IL17RA: variants seen among roughly 807,000 people sequenced by gnomAD.
The protein encoded by IL17RA is interleukin 17 receptor A.
A neutral mutation model predicts 50.4 loss-of-function variants in IL17RA; 34 were observed. The observed-to-expected ratio is 0.67, with a 90% CI of 0.51 to 0.90. The LOEUF (loss-of-function observed/expected upper bound fraction) is 0.90. IL17RA is among the 40% of genes least tolerant of loss of function. The probability of loss-of-function intolerance (pLI) is 0.00; values close to 1 mark genes in which losing one functional copy is unlikely to be tolerated. For missense variants in IL17RA, 1,276 were observed against 1,169.8 expected (o/e 1.09, Z -1.32); for synonymous variants, 585 against 510.4 (o/e 1.15, Z -1.97).
chr22:17,097,076 G>T lies in IL17RA; in HGVS notation c.153G>T (p.Thr51=), dbSNP rs767860569. Residue 51 remains threonine (T), a synonymous_variant, in exon 2 of 13, where the codon ACG becomes ACT. Transcript: ENST00000319363. ...LVCSQPGLNC[T]VKNSTCLDDS... The stretch of plus-strand genomic sequence containing the variant: ...TTTTTCCACAGGGGCTAAACTGCAC[G>T]GTCAAGAATAGTAAGTCATCTTTTT... The T allele has an allele frequency of 6.2e-7, 1 of 1,613,654 alleles. No homozygotes were observed. Among genetic ancestry groups the T allele is most frequent in the Non-Finnish European group, 8.5e-7 (1 of 1,179,648 alleles).
intron 11 of IL17RA, 52 bp downstream of exon 11, chr22:17,106,006 AC>A: frequency 7.5e-7 from 1 of 1,330,562 alleles, no homozygotes; most frequent in Non-Finnish European, 1.1e-6. Flanking sequence ...TACCAGCACC[AC>A]CACTCACTAC....
At chr22:17,100,530 A>G in intron 5 of IL17RA, 49 bp downstream of exon 5, 2 of 1,607,664 alleles carry the variant, frequency 1.2e-6, no homozygotes, top group African/African-American at 1.3e-5. Context: ...CTCTGTGAGA[A>G]GGAAGCACCA....
intron 11 of IL17RA, 53 bp downstream of exon 11, chr22:17,106,007 C>T: frequency 7.5e-7 from 1 of 1,327,514 alleles, no homozygotes; most frequent in Non-Finnish European, 1.1e-6. Context: ...ACCAGCACCA[C>T]CACTCACTAC....
intron 1 of IL17RA, among the ~76,000 whole-genome samples, chr22:17,094,716 T>TATATTC (rs1178787318): frequency 1.5e-4 from 18 of 118,536 alleles, no homozygotes; most frequent in African/African-American, 6.1e-4. Flanking sequence ...TATATATATA[T>TATATTC]ATTCAGGGAG....
At chr22:17,087,028 A>T (rs890140801) in intron 1 of IL17RA, among the ~76,000 whole-genome samples, 12 of 152,234 alleles carry the variant, frequency 7.9e-5, no homozygotes, top group Non-Finnish European at 1.3e-4. Context: ...CTTGCTGTTC[A>T]TATTTGTCTG....
chr22:17,106,258 G>A (rs561460520), intron 11 of IL17RA, among the ~76,000 whole-genome samples: 1 of 152,308 alleles, frequency 6.6e-6, no homozygotes, highest in Admixed American at 6.5e-5. Context: ...TGATCATCCA[G>A]GCAGGTGGAG....
Position 17,109,398 on chromosome 22 carries a change from C to T in IL17RA, c.2179C>T (p.Pro727Ser), listed in dbSNP as rs780129444. ...LFLPVDPEDS[P>S]LGSSTPMASP... ...CCTCCCCGTGGACCCCGAGGACTCG[C>T]CCCTTGGCAGCAGCACCCCCATGGC... The change falls in exon 13 of 13, where the codon CCC becomes TCC. Residue 727 changes from proline to serine, a missense_variant. Transcript: ENST00000319363. 1 of 1,613,030 alleles carries T rather than the reference C, an allele frequency of 6.2e-7. No homozygotes were observed. The highest frequency in any genetic ancestry group is 8.5e-7 in the Non-Finnish European group (1 of 1,179,928).
chr22:17,108,567 G>A lies in IL17RA; in HGVS notation c.1348G>A (p.Gly450Ser), dbSNP rs1256999040. The A allele has an allele frequency of 1.2e-6, 2 of 1,606,972 alleles. No individual in the cohort carries two copies. The highest frequency in any genetic ancestry group is 1.7e-5 in the Admixed American group (1 of 60,024). The change falls in exon 13 of 13, where the codon GGC (glycine) becomes AGC (serine). Residue 450 changes from glycine to serine, a missense_variant. By Grantham distance (56) the Gly-to-Ser change is moderately conservative. Coordinates refer to ENST00000319363, the MANE Select transcript of IL17RA (RefSeq NM_014339.7). ...TAAGATCATCGTCCTGTGCTCCCGCGGCACGCGCGCCAAGTGGCAGGCGCT... is the reference window on the plus strand; with the variant it reads ...TAAGATCATCGTCCTGTGCTCCCGCAGCACGCGCGCCAAGTGGCAGGCGCT... ...NSKIIVLCSR[G>S]TRAKWQALLG...
chr22:17,109,579 G>A lies in IL17RA; in HGVS notation c.2360G>A (p.Arg787Gln), dbSNP rs972851244. 5.6e-6 allele frequency: 9 copies of A among 1,600,854 alleles called. No homozygotes were observed. Among genetic ancestry groups the A allele is most frequent in the East Asian group, 2.3e-5 (1 of 44,378 alleles). ...CACACGCCCTACGAGGAGGAGCAGCGGCAGTCAGTGCAGTCTGACCAGGGC... is the reference window on the plus strand; with the variant it reads ...CACACGCCCTACGAGGAGGAGCAGCAGCAGTCAGTGCAGTCTGACCAGGGC... ...DPHTPYEEEQ[R>Q]QSVQSDQGYI... is the part of the protein sequence containing the mutation. Residue 787 changes from arginine to glutamine, a missense_variant, in exon 13 of 13, where the codon CGG becomes CAG. Coordinates refer to ENST00000319363, the MANE Select transcript of IL17RA (RefSeq NM_014339.7).
At chr22:17,085,591 A>G (rs909004789) in intron 1 of IL17RA, among the ~76,000 whole-genome samples, 6 of 151,994 alleles carry the variant, frequency 3.9e-5, no homozygotes, top group Admixed American at 3.9e-4. Flanking sequence ...GGGCTGATAG[A>G]AAGGGGCTGT....
intron 1 of IL17RA, among the ~76,000 whole-genome samples, chr22:17,090,289 G>A (rs913808474): frequency 6.6e-6 from 1 of 152,192 alleles, no homozygotes; most frequent in Admixed American, 6.5e-5. Context: ...CTCCCAAAGT[G>A]CTAGGATTAC....
chr22:17,095,986 G>A (rs1221228026), intron 1 of IL17RA, among the ~76,000 whole-genome samples: 1 of 152,160 alleles, frequency 6.6e-6, no homozygotes, highest in Non-Finnish European at 1.5e-5. Context: ...TCCCTCTCAA[G>A]AGAGAGGAGG....
Position 17,109,978 on chromosome 22 carries a change from TAAC to T in IL17RA, c.*159_*161del. ...GGATTTTAATCCCAGGCATCCCTCC[TAAC>T]TTTTCTTTGTGCAGCGGTCTGGTTA... is the stretch of plus-strand genomic sequence containing the variant. On this transcript the variant is annotated 3_prime_UTR_variant, in exon 13 of 13. Transcript: ENST00000319363. The T allele has an allele frequency of 1.3e-6, 1 of 771,466 alleles. No individual in the cohort carries two copies. Among genetic ancestry groups the T allele is most frequent in the South Asian group, 1.8e-5 (1 of 55,330 alleles). The allele number at this position is 771,466 out of a possible 1,614,324, so 47.8% of individuals were successfully genotyped here. A position where few individuals can be genotyped will look rare whatever the true frequency, so the allele number is the denominator to read the frequency against.
In IL17RA at chr22:17,098,768, C is replaced by T. The variant is rs747648852; in HGVS notation, c.311-7C>T. On this transcript the variant is annotated splice_region_variant and splice_polypyrimidine_tract_variant and intron_variant, in intron 3 of 12. Transcript: ENST00000319363. ...TCTGTTTGTCTTCTCTTCTCCCTCT[C>T]CTGCAGCCAGCATCCTGTACCTCGA... 4 of 1,611,672 alleles carry T rather than the reference C, an allele frequency of 2.5e-6. No individual in the cohort carries two copies. In the East Asian group the frequency reaches 6.7e-5, roughly 27 times the overall value.
At chr22:17,094,537 T>G (rs2061358816) in intron 1 of IL17RA, among the ~76,000 whole-genome samples, 1 of 150,012 alleles carries the variant, frequency 6.7e-6, no homozygotes, top group African/African-American at 2.5e-5. Context: ...CAGTTTTGAT[T>G]AAATCTTTTT....
chr22:17,104,943 G>T (rs1601346808), intron 9 of IL17RA, 133 bp downstream of exon 9: 1 of 827,536 alleles, frequency 1.2e-6, no homozygotes, highest in Non-Finnish European at 2.0e-6. Flanking sequence ...GAGTCCTTCA[G>T]GCCTGAAGTG....
chr22:17,088,328 A>G (rs994938123), intron 1 of IL17RA, among the ~76,000 whole-genome samples: 5 of 151,856 alleles, frequency 3.3e-5, no homozygotes, highest in Non-Finnish European at 5.9e-5. Flanking sequence ...TTATTTATTT[A>G]TTTATATTTT....
rs767860569 is a variant in IL17RA at position 17,097,076 on chromosome 22, G to C, written c.153G>C (p.Thr51=). The C allele has an allele frequency of 6.2e-7, 1 of 1,613,654 alleles. No homozygotes were observed. Among genetic ancestry groups the C allele is most frequent in the Non-Finnish European group, 8.5e-7 (1 of 1,179,648 alleles). ...TTTTTCCACAGGGGCTAAACTGCAC[G>C]GTCAAGAATAGTAAGTCATCTTTTT... ...LVCSQPGLNC[T]VKNSTCLDDS... The change falls in exon 2 of 13, where the codon ACG becomes ACC. Residue 51 remains threonine, a synonymous_variant. Coordinates refer to ENST00000319363, the MANE Select transcript of IL17RA (RefSeq NM_014339.7).
At chr22:17,101,896 C>T (rs2061392710) in intron 5 of IL17RA, 100 bp from the exon 6 acceptor site, 3 of 1,473,844 alleles carry the variant, frequency 2.0e-6, no homozygotes, top group Admixed American at 1.7e-5. Context: ...CGGACAGGCT[C>T]CCAGTGGGGA....
Sources: gnomAD v4.1 joint callset for allele counts (sites outside exome capture counted in the v4.1 genomes callset) on GRCh38, gnomAD v4.1.1 for gene constraint, MANE v1.5 for transcripts, NCBI Gene and HGNC (gene_info 2026-07-23, HGNC 2026-07-21) for gene names.